SLC2A13: variants seen among roughly 807,000 people sequenced by gnomAD.
SLC2A13 encodes proton myo-inositol cotransporter.
In SLC2A13, 32 loss-of-function variants were observed where a neutral mutation model predicts 64.4. The observed-to-expected ratio is 0.50, with a 90% CI of 0.37 to 0.67. The LOEUF (loss-of-function observed/expected upper bound fraction) is 0.67. SLC2A13 is among the 30% of genes least tolerant of loss of function. The pLI is 0.00. For missense variants in SLC2A13, 743 were observed against 829.2 expected (o/e 0.90, Z 1.28); for synonymous variants, 338 against 327.1 (o/e 1.03, Z -0.36).
At chr12:39,956,199 C>T (rs1946311718) in intron 3 of SLC2A13, among the ~76,000 whole-genome samples, 2 of 152,106 alleles carry the variant, frequency 1.3e-5, no homozygotes, top group African/African-American at 4.8e-5. Flanking sequence ...GAGTAGCCAG[C>T]CCTATAAGCT....
intron 7 of SLC2A13, 109 bp from the exon 8 acceptor site, chr12:39,764,967 C>T (rs1048186177): frequency 3.2e-5 from 40 of 1,252,740 alleles, no homozygotes; most frequent in Non-Finnish European, 4.3e-5. Context: ...TCTTAAGAGT[C>T]CAAAATGTTT....
rs531209804 is a variant in SLC2A13, at chr12:40,103,774, G to A, written c.556+1479C>T. Among the ~76,000 whole-genome samples, 3 of 152,320 alleles carry A rather than the reference G, an allele frequency of 2.0e-5. No homozygotes were observed. The South Asian group carries it at 6.2e-4, about 32-fold the overall frequency. On this transcript the variant is annotated intron_variant, in intron 1 of 9. Transcript: ENST00000280871. ...AGCAGACAATGCTGAGAAAAGAATCGTGGTCACTTAAACAGCAGGTTATTT... is the reference window on the plus strand; with the variant it reads ...AGCAGACAATGCTGAGAAAAGAATCATGGTCACTTAAACAGCAGGTTATTT...
rs749333917 is a variant in SLC2A13 at position 39,758,301 on chromosome 12, T to A, written c.*1725A>T. 11 of 151,936 alleles carry A rather than the reference T, an allele frequency of 7.2e-5. No homozygotes were observed. The highest frequency in any genetic ancestry group is 1.5e-4 in the Non-Finnish European group (10 of 67,780). 9.4% of individuals were successfully genotyped at this position (151,936 alleles called of 1,614,324 possible). Reference sequence around the variant, plus strand: ...ATTATACCTCTGGTGACTTAGAGAATGAACTTCCTCAGCTGTATTCTCAGC... The same window carrying A: ...ATTATACCTCTGGTGACTTAGAGAAAGAACTTCCTCAGCTGTATTCTCAGC... On this transcript the variant is annotated 3_prime_UTR_variant, in exon 10 of 10. Coordinates refer to ENST00000280871, the MANE Select transcript of SLC2A13 (RefSeq NM_052885.4).
chr12:39,879,730 G>T (rs1322747401), intron 4 of SLC2A13, among the ~76,000 whole-genome samples: 1 of 152,126 alleles, frequency 6.6e-6, no homozygotes, highest in Admixed American at 6.5e-5. Flanking sequence ...GATTTTCCTT[G>T]TCTCAGATGA....
chr12:40,033,203 T>C (rs903844939), intron 2 of SLC2A13, among the ~76,000 whole-genome samples: 2 of 152,232 alleles, frequency 1.3e-5, no homozygotes, highest in Non-Finnish European at 2.9e-5. Context: ...GAAGTCTGGC[T>C]CCTACAATAA....
intron 6 of SLC2A13, among the ~76,000 whole-genome samples, chr12:39,861,733 C>T (rs1232167367): frequency 1.3e-5 from 2 of 152,224 alleles, no homozygotes; most frequent in South Asian, 4.1e-4. Flanking sequence ...CTCATGCTAG[C>T]GTTATTTCTT....
At chr12:39,776,232 C>A (rs995277130) in intron 7 of SLC2A13, among the ~76,000 whole-genome samples, 2 of 149,584 alleles carry the variant, frequency 1.3e-5, no homozygotes, top group Admixed American at 6.7e-5. Flanking sequence ...TTCATATTGA[C>A]CAAAGGCCTC....
chr12:40,096,978 C>T (rs1192401819), intron 1 of SLC2A13, among the ~76,000 whole-genome samples: 1 of 152,112 alleles, frequency 6.6e-6, no homozygotes, highest in Non-Finnish European at 1.5e-5. Flanking sequence ...GGGGTGCACA[C>T]TGGTTCTTGA....
intron 5 of SLC2A13, among the ~76,000 whole-genome samples, chr12:39,870,621 C>A (rs1669781982): frequency 6.6e-6 from 1 of 152,032 alleles, no homozygotes; most frequent in Non-Finnish European, 1.5e-5. Flanking sequence ...TTTACTTGTC[C>A]CTCACTTTTA....
At chr12:39,947,753 C>T (rs1007604469) in intron 4 of SLC2A13, among the ~76,000 whole-genome samples, 4 of 150,402 alleles carry the variant, frequency 2.7e-5, no homozygotes, top group South Asian at 2.1e-4. Flanking sequence ...CTCTGCCTCA[C>T]GGGTTCACGC....
intron 3 of SLC2A13, 109 bp downstream of exon 3, chr12:40,028,166 TATAAATATAAATATCCATATTTATAC>T: frequency 1.9e-5 from 8 of 421,222 alleles, no homozygotes; most frequent in South Asian, 1.0e-4. Context: ...GATATTTTTG[TATAAATATAAATATCCATATTTATAC>T]ATAAATACCC....
At chr12:40,045,827 TG>T (rs1948162940) in intron 2 of SLC2A13, among the ~76,000 whole-genome samples, 1 of 152,218 alleles carries the variant, frequency 6.6e-6, no homozygotes, top group Admixed American at 6.5e-5. Context: ...CATGGTTACT[TG>T]GAAATCATGT....
chr12:40,064,657 G>A (rs1422971107), intron 1 of SLC2A13, among the ~76,000 whole-genome samples: 1 of 152,130 alleles, frequency 6.6e-6, no homozygotes, highest in African/African-American at 2.4e-5. Context: ...TCAGTAGACT[G>A]ACTTTCCACC....
rs1005728862 is a variant in SLC2A13 at position 40,028,619 on chromosome 12, C to A, written c.717-110G>T. 1.8e-5 allele frequency: 18 copies of A among 1,014,662 alleles called. No individual in the cohort carries two copies. In the African/African-American group the frequency reaches 2.8e-4, roughly 16 times the overall value. 62.9% of individuals were successfully genotyped at this position (1,014,662 alleles called of 1,614,324 possible). On this transcript the variant is annotated intron_variant, in intron 2 of 9. Transcript: ENST00000280871. ...ACAATAATACTTACTGTGAAGTTAG[C>A]CAGAATTATTTGTGCATTTATGTGT... is the stretch of plus-strand genomic sequence containing the variant.
At chr12:39,967,018 A>T (rs1379899727) in intron 3 of SLC2A13, among the ~76,000 whole-genome samples, 1 of 152,140 alleles carries the variant, frequency 6.6e-6, no homozygotes, top group East Asian at 1.9e-4. Flanking sequence ...GCATGTCTGC[A>T]GTTACCATAT....
intron 6 of SLC2A13, among the ~76,000 whole-genome samples, chr12:39,863,586 G>A (rs1943820507): frequency 6.6e-6 from 1 of 152,118 alleles, no homozygotes; most frequent in South Asian, 2.1e-4. Flanking sequence ...AAGAAAAGTA[G>A]AATATGCATT....
At chr12:39,896,654 C>T (rs1406215223) in intron 4 of SLC2A13, among the ~76,000 whole-genome samples, 2 of 151,640 alleles carry the variant, frequency 1.3e-5, no homozygotes, top group Non-Finnish European at 2.9e-5. Context: ...GAAAACAACA[C>T]TGCTCAATGA....
In SLC2A13 at chr12:39,862,052, G is replaced by A. The variant is rs541643012; in HGVS notation, c.1319+2710C>T. Among the ~76,000 whole-genome samples, 53 of 152,190 alleles carry A rather than the reference G, an allele frequency of 3.5e-4. 1 individual carries two copies. Among genetic ancestry groups the A allele is most frequent in the South Asian group, 2.7e-3 (13 of 4,816 alleles). On this transcript the variant is annotated intron_variant, in intron 6 of 9. Transcript: ENST00000280871. ...CCCCCACCACTGCCCCCTAACAGGC[G>A]CCAGTGTGTGTAGTTAGTTCCCTTC... is the stretch of plus-strand genomic sequence containing the variant.
intron 1 of SLC2A13, among the ~76,000 whole-genome samples, chr12:40,072,047 C>T (rs1320834106): frequency 2.0e-5 from 3 of 152,086 alleles, no homozygotes; most frequent in Non-Finnish European, 1.5e-5. Flanking sequence ...TTACTAAATA[C>T]ATCAAATACT....
Sources: gnomAD v4.1 joint callset for allele counts (sites outside exome capture counted in the v4.1 genomes callset) on GRCh38, gnomAD v4.1.1 for gene constraint, MANE v1.5 for transcripts, NCBI Gene and HGNC (gene_info 2026-07-23, HGNC 2026-07-21) for gene names.